SENP8: variants seen among roughly 807,000 people sequenced by gnomAD.
The protein encoded by SENP8 is SUMO peptidase family member, NEDD8 specific, also known as sentrin-specific protease 8.
In SENP8, 10 loss-of-function variants were observed where a neutral mutation model predicts 14.4. The observed-to-expected ratio is 0.69, with a 90% confidence interval of 0.43 to 1.18. The LOEUF (loss-of-function observed/expected upper bound fraction) is 1.18, where lower values mean the gene tolerates loss of function less well. Among genes scored for constraint, SENP8 ranks in the 50% most tolerant of loss-of-function variants. The pLI, the probability that SENP8 is intolerant of heterozygous loss-of-function variation, is 0.00. For missense variants in SENP8, 202 were observed against 249.4 expected, an observed-to-expected ratio of 0.81 and a Z score of 1.28; for synonymous variants, 94 against 95.5, an observed-to-expected ratio of 0.98 and a Z score of 0.09.
At chr15:72,135,080 G>C in intron 1 of SENP8, 1 of 273,754 alleles carries the variant, frequency 3.7e-6, no homozygotes, top group East Asian at 1.3e-4. Context: ...GTTTGTTTTT[G>C]AGACAGAGTC....
chr15:72,126,955 A>G (rs1036865300), intron 1 of SENP8, among the ~76,000 whole-genome samples: 3 of 152,208 alleles, frequency 2.0e-5, no homozygotes, highest in African/African-American at 7.2e-5. Flanking sequence ...GAATTCTTGC[A>G]TGGAGTAGGA....
chr15:72,118,391 G>A (rs1416796669), upstream of SENP8: 1 of 159,372 alleles, frequency 6.3e-6, no homozygotes, highest in Admixed American at 6.5e-5. Context: ...CTCTGAGTTT[G>A]CGACCGTAGC....
chr15:72,139,446 C>G (rs1286718747), intron 1 of SENP8, 131 bp from the exon 2 acceptor site: 2 of 836,858 alleles, frequency 2.4e-6, no homozygotes, highest in African/African-American at 3.4e-5. Flanking sequence ...GTAAGTAGAT[C>G]TGCACAGATC....
chr15:72,117,173 A>C (rs1596627563), upstream of SENP8: 1 of 152,300 alleles, frequency 6.6e-6, no homozygotes, highest in East Asian at 1.9e-4. Flanking sequence ...GGGAGTAAGA[A>C]CACCATGACA....
upstream of SENP8, chr15:72,117,725 G>T (rs1357567623): frequency 2.5e-6 from 1 of 397,314 alleles, no homozygotes; most frequent in Non-Finnish European, 4.4e-6. Context: ...CCTCTTCGAC[G>T]GAAGCTGCCT....
chr15:72,129,526 C>A (rs34464290), intron 1 of SENP8, among the ~76,000 whole-genome samples: 1 of 149,464 alleles, frequency 6.7e-6, no homozygotes, highest in African/African-American at 2.5e-5. Context: ...CCACACCCGG[C>A]TAATTTTGTA....
chr15:72,115,988 G>T (rs1217095220), upstream of SENP8, among the ~76,000 whole-genome samples: 1 of 152,258 alleles, frequency 6.6e-6, no homozygotes, highest in South Asian at 2.1e-4. Context: ...GTTAAGAAAT[G>T]ACCTCTAGGA....
In SENP8 at chr15:72,142,089, T is replaced by C. The variant is rs1209920523; in HGVS notation, c.*1827T>C. 6 of 152,064 alleles carry C rather than the reference T, an allele frequency of 3.9e-5. No individual in the cohort carries two copies. The highest frequency in any genetic ancestry group is 7.3e-5 in the Non-Finnish European group (5 of 68,040). The allele number at this position is 152,064 out of a possible 1,614,324, so 9.4% of individuals were successfully genotyped here. A position where few individuals can be genotyped will look rare whatever the true frequency, so the allele number is the denominator to read the frequency against. On this transcript the variant is annotated 3_prime_UTR_variant, in exon 2 of 2. Transcript: ENST00000340912. ...TCCTAACTCCCTACGATTCATCTTATAAGTAAATTTATAAGTAAATTTTTA... is the reference window on the plus strand; with the variant it reads ...TCCTAACTCCCTACGATTCATCTTACAAGTAAATTTATAAGTAAATTTTTA...
At chr15:72,126,344 C>G (rs2081219060) in intron 1 of SENP8, among the ~76,000 whole-genome samples, 1 of 152,160 alleles carries the variant, frequency 6.6e-6, no homozygotes. Context: ...AATTTCCGGG[C>G]CAGGCACAGT....
chr15:72,117,946 C>T (rs998231279), upstream of SENP8: 3 of 401,604 alleles, frequency 7.5e-6, no homozygotes, highest in Non-Finnish European at 1.3e-5. Context: ...GGACCGCCGC[C>T]TCAACCGCTG....
At chr15:72,128,776 T>A (rs969160003) in intron 1 of SENP8, among the ~76,000 whole-genome samples, 22 of 152,198 alleles carry the variant, frequency 1.4e-4, no homozygotes, top group African/African-American at 5.3e-4. Flanking sequence ...TTTAGAGAAG[T>A]ACAGATGCAT....
intron 1 of SENP8, among the ~76,000 whole-genome samples, chr15:72,126,183 G>C (rs924855013): frequency 6.6e-6 from 1 of 152,050 alleles, no homozygotes; most frequent in Non-Finnish European, 1.5e-5. Flanking sequence ...GAACTGAGCT[G>C]TCCAGTATAC....
At chr15:72,117,624 C>G (rs1350823992), upstream of SENP8, 4 of 394,356 alleles carry the variant, frequency 1.0e-5, no homozygotes, top group Non-Finnish European at 1.8e-5. Context: ...AATAGCGAGG[C>G]TGAGACGTGG....
At chr15:72,117,803 T>C, upstream of SENP8, 1 of 398,390 alleles carries the variant, frequency 2.5e-6, no homozygotes, top group Non-Finnish European at 4.4e-6. Context: ...GGTCGGACGG[T>C]TCCGGGAGGG....
chr15:72,134,141 T>C (rs2081304239), intron 1 of SENP8, among the ~76,000 whole-genome samples: 2 of 152,172 alleles, frequency 1.3e-5, no homozygotes, highest in African/African-American at 4.8e-5. Flanking sequence ...AGACAGAGTT[T>C]CACCATGTTG....
intron 1 of SENP8, among the ~76,000 whole-genome samples, chr15:72,132,922 G>C (rs1034124748): frequency 2.6e-5 from 4 of 152,130 alleles, no homozygotes; most frequent in African/African-American, 9.7e-5. Context: ...TGTAATCCCA[G>C]CACTTTGGGA....
At chr15:72,127,096 T>C (rs189599856) in intron 1 of SENP8, among the ~76,000 whole-genome samples, 2 of 152,346 alleles carry the variant, frequency 1.3e-5, no homozygotes, top group East Asian at 1.9e-4. Context: ...TCTACAATTA[T>C]TTATTGAGTA....
At chr15:72,120,916 A>T (rs2081161766) in intron 1 of SENP8, among the ~76,000 whole-genome samples, 2 of 152,244 alleles carry the variant, frequency 1.3e-5, no homozygotes, top group African/African-American at 4.8e-5. Context: ...TTGAAAACAA[A>T]GATGCAATTG....
upstream of SENP8, chr15:72,114,372 T>TA (rs1353177436): frequency 2.6e-5 from 4 of 152,122 alleles, no homozygotes; most frequent in Non-Finnish European, 5.9e-5. Flanking sequence ...TATTTTCAGT[T>TA]AAAATAAGAT....
Sources: allele counts gnomAD v4.1 joint callset (sites outside exome capture counted in the v4.1 genomes callset), GRCh38; gene constraint gnomAD v4.1.1; transcripts MANE v1.5; gene names NCBI Gene and HGNC (gene_info 2026-07-23, HGNC 2026-07-21).